Variants in ENOX1 observed in about 807,000 individuals in gnomAD.
The protein encoded by ENOX1 is ecto-NOX disulfide-thiol exchanger 1, also known as candidate growth-related and time keeping constitutive hydroquinone (NADH) oxidase.
Under a neutral mutation model 82.5 loss-of-function variants are expected in ENOX1, and 42 were observed. The observed-to-expected ratio is 0.51, with a 90% confidence interval of 0.40 to 0.66. ENOX1 has a LOEUF of 0.66. Ranked by LOEUF, ENOX1 falls within the 30% of genes least tolerant of loss-of-function variation. The pLI, the probability that ENOX1 is intolerant of heterozygous loss-of-function variation, is 0.00. For missense variants in ENOX1, 608 were observed against 811.6 expected, an observed-to-expected ratio of 0.75 and a Z score of 3.05; for synonymous variants, 271 against 282.2, an observed-to-expected ratio of 0.96 and a Z score of 0.40.
chr13:43,542,286 C>G (rs144241575), intron 2 of ENOX1, among the ~76,000 whole-genome samples: 1 of 151,802 alleles, frequency 6.6e-6, no homozygotes, highest in Non-Finnish European at 1.5e-5. Context: ...GCTACAGGCA[C>G]GTGCCACCAC....
At chr13:43,535,068 A>G (rs2153690568) in intron 2 of ENOX1, among the ~76,000 whole-genome samples, 2 of 152,316 alleles carry the variant, frequency 1.3e-5, no homozygotes, top group South Asian at 4.1e-4. Flanking sequence ...CAAGGAGCTT[A>G]AACACTCCAC....
At chr13:43,481,913 C>A (rs1238931965) in intron 3 of ENOX1, among the ~76,000 whole-genome samples, 1 of 152,094 alleles carries the variant, frequency 6.6e-6, no homozygotes, top group Non-Finnish European at 1.5e-5. Flanking sequence ...GAAAGATATT[C>A]AAAATCACTA....
rs9562500 is a variant in ENOX1, at chr13:43,607,612, T to G, written c.-219+59867A>C. Among the ~76,000 whole-genome samples, 280 of 152,078 alleles carry G rather than the reference T, an allele frequency of 1.8e-3. 1 individual carries two copies. Among genetic ancestry groups the G allele is most frequent in the African/African-American group, 5.5e-3 (230 of 41,480 alleles). ...ATTACATATCATCTGACCAACAATT[T>G]TGTAGAGCAAATATTGCAAATCCTG... On this transcript the variant is annotated intron_variant, in intron 2 of 16. Transcript: ENST00000690772.
At chr13:43,700,087 TA>T (rs1450123603) in intron 1 of ENOX1, among the ~76,000 whole-genome samples, 1 of 152,186 alleles carries the variant, frequency 6.6e-6, no homozygotes, top group African/African-American at 2.4e-5. Context: ...TGTTTGTTTT[TA>T]AAAAGCATCT....
chr13:43,719,492 T>G (rs2088410861), intron 1 of ENOX1, among the ~76,000 whole-genome samples: 1 of 152,076 alleles, frequency 6.6e-6, no homozygotes, highest in Admixed American at 6.6e-5. Flanking sequence ...TACATCCCAG[T>G]GGTCATAATC....
At chr13:43,553,667 T>G (rs1383263702) in intron 2 of ENOX1, among the ~76,000 whole-genome samples, 1 of 151,442 alleles carries the variant, frequency 6.6e-6, no homozygotes. Context: ...TGATGTTTAC[T>G]TAAGGCTGAT....
chr13:43,431,142 C>T (rs1341404682), intron 3 of ENOX1, among the ~76,000 whole-genome samples: 1 of 152,200 alleles, frequency 6.6e-6, no homozygotes, highest in African/African-American at 2.4e-5. Context: ...CTTCATAGGG[C>T]TTAGGTTTTC....
At chr13:43,776,787 G>C (rs1291402155) in intron 1 of ENOX1, among the ~76,000 whole-genome samples, 3 of 150,418 alleles carry the variant, frequency 2.0e-5, no homozygotes, top group Non-Finnish European at 4.4e-5. Context: ...CTACAGACGT[G>C]AATTCCCATT....
intron 16 of ENOX1, among the ~76,000 whole-genome samples, chr13:43,222,077 C>T (rs183512294): frequency 6.6e-6 from 1 of 152,240 alleles, no homozygotes; most frequent in East Asian, 1.9e-4. Context: ...AGGCAGGGGA[C>T]ACCTCGTGTG....
chr13:43,418,776 GT>G (rs1566173999), intron 3 of ENOX1, among the ~76,000 whole-genome samples: 1 of 152,120 alleles, frequency 6.6e-6, no homozygotes, highest in Non-Finnish European at 1.5e-5. Context: ...CTTGTTTCCT[GT>G]TAAGATATAT....
At chr13:43,494,595 A>G (rs1026957129) in intron 2 of ENOX1, among the ~76,000 whole-genome samples, 1 of 152,228 alleles carries the variant, frequency 6.6e-6, no homozygotes, top group Non-Finnish European at 1.5e-5. Flanking sequence ...TCACAATAAT[A>G]AACAAAATAG....
At chr13:43,683,720 G>A (rs1429014800) in intron 1 of ENOX1, among the ~76,000 whole-genome samples, 3 of 152,056 alleles carry the variant, frequency 2.0e-5, no homozygotes, top group Non-Finnish European at 4.4e-5. Flanking sequence ...CAGGGCTACA[G>A]GACAAAGACA....
In ENOX1 at chr13:43,224,126, G is replaced by A. The variant is rs1241003578; in HGVS notation, c.1727C>T (p.Thr576Met). ...KEALLIGIISTFLHVHPFGAN... is the reference protein window; with the variant it reads ...KEALLIGIISMFLHVHPFGAN... ...TCCAAAAGGATGGACGTGAAGAAAC[G>A]TTGATATGATACCTGAATTAAAAAG... Residue 576 changes from threonine (T) to methionine (M), a missense_variant, in exon 16 of 17, where the codon ACG (threonine) becomes ATG (methionine). Physicochemically the swap from Thr to Met is moderately conservative, Grantham distance 81. Transcript: ENST00000690772. 3.1e-6 allele frequency: 5 copies of A among 1,613,498 alleles called. No individual in the cohort carries two copies. The highest frequency in any genetic ancestry group is 2.2e-5 in the East Asian group (1 of 44,866).
At chr13:43,581,125 CTTTTT>C (rs1174448355) in intron 2 of ENOX1, among the ~76,000 whole-genome samples, 2,552 of 77,010 alleles carry the variant, frequency 0.033, 32 homozygotes, top group African/African-American at 0.13. Flanking sequence ...CTACCTGATT[CTTTTT>C]TTTTTTTTTT....
intron 2 of ENOX1, among the ~76,000 whole-genome samples, chr13:43,602,610 C>G (rs190831968): frequency 6.6e-6 from 1 of 152,148 alleles, no homozygotes; most frequent in Non-Finnish European, 1.5e-5. Flanking sequence ...ATTGGACTAA[C>G]CATTCTAATC....
At position 43,697,608 on chromosome 13, in the gene ENOX1, T is replaced by A. The variant is rs185136167; in HGVS notation, c.-284-30064A>T. 2.0e-4 allele frequency among the ~76,000 whole-genome samples: 30 copies of A among 152,216 alleles called. No homozygotes were observed. In the East Asian group the frequency reaches 3.9e-3, roughly 20 times the overall value. On this transcript the variant is annotated intron_variant, in intron 1 of 16. Transcript: ENST00000690772. ...TCAGGACAGATCACCTGCCACGGGA[T>A]CAGGAGATGAAGGACAGAACTCAGC...
chr13:43,618,597 A>G (rs754420655), intron 2 of ENOX1, among the ~76,000 whole-genome samples: 6 of 152,160 alleles, frequency 3.9e-5, no homozygotes, highest in Non-Finnish European at 8.8e-5. Flanking sequence ...TCATTGGTCT[A>G]TGTGCCTATT....
At chr13:43,722,650 AC>A (rs1339069694) in intron 1 of ENOX1, among the ~76,000 whole-genome samples, 3 of 152,168 alleles carry the variant, frequency 2.0e-5, no homozygotes, top group African/African-American at 7.2e-5. Flanking sequence ...GACTTTACAT[AC>A]ATTATTTTTT....
chr13:43,462,225 AT>A (rs1281378456), intron 3 of ENOX1, among the ~76,000 whole-genome samples: 20 of 152,352 alleles, frequency 1.3e-4, no homozygotes, highest in Admixed American at 4.6e-4. Flanking sequence ...TCAGTCATTG[AT>A]TTTCAATTAC....
Sources: gnomAD v4.1 joint callset for allele counts (sites outside exome capture counted in the v4.1 genomes callset) on GRCh38, gnomAD v4.1.1 for gene constraint, MANE v1.5 for transcripts, NCBI Gene and HGNC (gene_info 2026-07-23, HGNC 2026-07-21) for gene names.